SLC25A48: variants seen among roughly 807,000 people sequenced by gnomAD.
The protein encoded by SLC25A48 is solute carrier family 25 member 48.
Under a neutral mutation model 32.2 loss-of-function variants are expected in SLC25A48, and 29 were observed. The observed-to-expected ratio is 0.90, with a 90% CI of 0.67 to 1.23. SLC25A48 has a LOEUF of 1.23. Among genes scored for constraint, SLC25A48 ranks in the 50% most tolerant of loss-of-function variants. The pLI is 0.00. For synonymous variants in SLC25A48, 164 were observed against 172.3 expected (o/e 0.95, Z 0.38); for missense variants, 399 against 422.7 (o/e 0.94, Z 0.49).
chr5:135,810,634 A>G (rs2052123), intron 3 of SLC25A48, among the ~76,000 whole-genome samples: 116,283 of 152,096 alleles, frequency 0.76, 44,878 homozygotes, highest in Middle Eastern at 0.86. Flanking sequence ...GCTCTGCCAC[A>G]CACAGCATGT....
intron 1 of SLC25A48, among the ~76,000 whole-genome samples, chr5:135,603,813 A>G (rs1751862410): frequency 6.6e-6 from 1 of 152,068 alleles, no homozygotes; most frequent in Admixed American, 6.5e-5. Flanking sequence ...TGTCCCTACA[A>G]GGCTCTGTGA....
intron 3 of SLC25A48, among the ~76,000 whole-genome samples, chr5:135,757,523 CTA>C (rs1755945661): frequency 6.7e-6 from 1 of 148,910 alleles, no homozygotes; most frequent in African/African-American, 2.4e-5. Context: ...TGTTAACACA[CTA>C]TATTGATAAA....
At chr5:135,808,406 A>G (rs377422492) in intron 3 of SLC25A48, among the ~76,000 whole-genome samples, 7 of 152,210 alleles carry the variant, frequency 4.6e-5, no homozygotes, top group Admixed American at 2.0e-4. Flanking sequence ...AAGAAACCCT[A>G]AATTTCACTT....
chr5:135,849,132 C>T (rs548745515), intron 2 of SLC25A48, among the ~76,000 whole-genome samples: 70 of 152,314 alleles, frequency 4.6e-4, no homozygotes, highest in Non-Finnish European at 8.4e-4. Flanking sequence ...AGGAAAACAT[C>T]GCCTGTGATC....
intron 4 of SLC25A48, chr5:135,827,448 A>G (rs1180736054): frequency 6.6e-6 from 1 of 152,144 alleles, no homozygotes; most frequent in Admixed American, 6.5e-5. Context: ...ATTTTTTACT[A>G]TTTCCAAGGC....
intron 1 of SLC25A48, among the ~76,000 whole-genome samples, chr5:135,623,910 G>A (rs1433120354): frequency 2.6e-5 from 4 of 152,192 alleles, no homozygotes; most frequent in Non-Finnish European, 4.4e-5. Flanking sequence ...CTGTCCCCCC[G>A]GGTACCTCAT....
At chr5:135,727,582 T>C (rs1273849473) in intron 3 of SLC25A48, among the ~76,000 whole-genome samples, 2 of 152,314 alleles carry the variant, frequency 1.3e-5, no homozygotes, top group East Asian at 3.9e-4. Flanking sequence ...TTAATTTACA[T>C]ATAAAGAGTG....
At chr5:135,582,622 A>C (rs1277847316) in intron 1 of SLC25A48, among the ~76,000 whole-genome samples, 7 of 152,234 alleles carry the variant, frequency 4.6e-5, no homozygotes, top group African/African-American at 1.7e-4. Context: ...TCCCGATCTC[A>C]TGCAGAGTGG....
At chr5:135,708,321 C>T (rs12515309) in intron 3 of SLC25A48, among the ~76,000 whole-genome samples, 3,483 of 152,278 alleles carry the variant, frequency 0.023, 51 homozygotes, top group Non-Finnish European at 0.031. Flanking sequence ...TATTCCAAAG[C>T]AAATCTATGA....
intron 3 of SLC25A48, among the ~76,000 whole-genome samples, chr5:135,643,792 G>A (rs1223865759): frequency 2.0e-5 from 3 of 152,204 alleles, no homozygotes; most frequent in Non-Finnish European, 2.9e-5. Context: ...AACATTTACT[G>A]CACTAATATG....
chr5:135,693,766 G>A (rs1258938517), intron 3 of SLC25A48, among the ~76,000 whole-genome samples: 9 of 152,294 alleles, frequency 5.9e-5, no homozygotes, highest in Non-Finnish European at 1.5e-5. Flanking sequence ...AAAGGAGGGG[G>A]TCTGAGGGAA....
chr5:135,800,975 T>C (rs1480502009), intron 3 of SLC25A48, among the ~76,000 whole-genome samples: 2 of 150,932 alleles, frequency 1.3e-5, no homozygotes, highest in Non-Finnish European at 1.5e-5. Flanking sequence ...CCCATATCTT[T>C]GGGGTTGTAC....
At chr5:135,764,585 A>G (rs554811841) in intron 3 of SLC25A48, among the ~76,000 whole-genome samples, 8 of 151,526 alleles carry the variant, frequency 5.3e-5, no homozygotes, top group Admixed American at 3.3e-4. Flanking sequence ...ATTAATCCCC[A>G]TATCTCGGGG....
chr5:135,835,224 T>C, intron 1 of SLC25A48: 1 of 560,394 alleles, frequency 1.8e-6, no homozygotes, highest in Admixed American at 2.2e-5. Context: ...TTCAGTGACC[T>C]GGTGCACACC....
chr5:135,879,752 A>G (rs1383443811), intron 6 of SLC25A48, among the ~76,000 whole-genome samples: 2 of 152,100 alleles, frequency 1.3e-5, no homozygotes, highest in Non-Finnish European at 2.9e-5. Flanking sequence ...CATGTGTATC[A>G]GGGTCTGGGA....
intron 1 of SLC25A48, among the ~76,000 whole-genome samples, chr5:135,588,170 A>G (rs1201211002): frequency 1.3e-5 from 2 of 152,266 alleles, no homozygotes; most frequent in Non-Finnish European, 2.9e-5. Flanking sequence ...CTGGACTAAC[A>G]GAAGTATTGT....
At chr5:135,810,260 G>A (rs1446965591) in intron 3 of SLC25A48, among the ~76,000 whole-genome samples, 2 of 152,132 alleles carry the variant, frequency 1.3e-5, no homozygotes, top group Non-Finnish European at 1.5e-5. Flanking sequence ...TCCTCCCATG[G>A]GGCCCAGTTA....
chr5:135,801,639 G>A (rs1757329595), intron 3 of SLC25A48, among the ~76,000 whole-genome samples: 1 of 151,360 alleles, frequency 6.6e-6, no homozygotes, highest in South Asian at 2.1e-4. Flanking sequence ...AGGAGGGGAG[G>A]AGATGATATT....
chr5:135,744,592 C>T (rs1755593857), intron 3 of SLC25A48, among the ~76,000 whole-genome samples: 1 of 152,010 alleles, frequency 6.6e-6, no homozygotes, highest in Non-Finnish European at 1.5e-5. Flanking sequence ...CTGCCTCGGC[C>T]TCCTAAAGTG....
Sources: gnomAD v4.1 joint callset for allele counts (sites outside exome capture counted in the v4.1 genomes callset) on GRCh38, gnomAD v4.1.1 for gene constraint, MANE v1.5 for transcripts, NCBI Gene and HGNC (gene_info 2026-07-23, HGNC 2026-07-21) for gene names.